The following RGPD2 variants were observed in gnomAD, a reference collection of about 807,000 sequenced individuals.
RGPD2 encodes RANBP2 like and GRIP domain containing 2.
Under a neutral mutation model 36.0 loss-of-function variants are expected in RGPD2, and 2 were observed. The observed-to-expected ratio is 0.06, with a 90% CI of 0.02 to 0.17. The LOEUF (loss-of-function observed/expected upper bound fraction) is 0.17. Ranked by LOEUF, RGPD2 falls within the 10% of genes least tolerant of loss-of-function variation. The pLI, the probability that RGPD2 is intolerant of heterozygous loss-of-function variation, is 1.00. For synonymous variants in RGPD2, 19 were observed against 163.8 expected (o/e 0.12, Z 6.75); for missense variants, 40 against 464.3 (o/e 0.09, Z 8.40).
At chr2:87,985,992 TA>T in the RGPD2 span, 1 of 1,048,616 alleles carries the variant, frequency 9.5e-7, no homozygotes, top group African/African-American at 1.6e-5. Context: ...CAAGTTTTTT[TA>T]ACTTCTACTA....
chr2:87,915,352 A>G, the RGPD2 span, among the ~76,000 whole-genome samples: 2 of 134,986 alleles, frequency 1.5e-5, no homozygotes, highest in African/African-American at 2.8e-5. Flanking sequence ...TGTATATTAT[A>G]TATATTATAT....
At chr2:87,975,751 G>C in the RGPD2 span, among the ~76,000 whole-genome samples, 2 of 151,792 alleles carry the variant, frequency 1.3e-5, no homozygotes, top group African/African-American at 4.8e-5. Flanking sequence ...GTTATGCCAT[G>C]ATGTCTCCCA....
At chr2:87,988,541 A>ATATATATATATATATATATATTT in the RGPD2 span, among the ~76,000 whole-genome samples, 4 of 54,144 alleles carry the variant, frequency 7.4e-5, no homozygotes, top group South Asian at 1.1e-3. Flanking sequence ...ATATATATAT[A>ATATATATATATATATATATATTT]TTTTTTTTTT....
the RGPD2 span, among the ~76,000 whole-genome samples, chr2:87,840,080 G>T: frequency 7.1e-6 from 1 of 140,392 alleles, no homozygotes; most frequent in African/African-American, 2.7e-5. Flanking sequence ...GTGTGAATAG[G>T]ATCTTATTTG....
the RGPD2 span, among the ~76,000 whole-genome samples, chr2:87,884,088 A>G: frequency 1.3e-5 from 2 of 152,170 alleles, no homozygotes; most frequent in African/African-American, 2.4e-5. Context: ...AAGAAATCAT[A>G]TCAAGTATCA....
the RGPD2 span, among the ~76,000 whole-genome samples, chr2:87,930,811 G>C: frequency 7.0e-6 from 1 of 141,924 alleles, no homozygotes; most frequent in Non-Finnish European, 1.5e-5. Flanking sequence ...TATTTGTCCA[G>C]GAATTTATCC....
chr2:87,880,032 A>G, the RGPD2 span, among the ~76,000 whole-genome samples: 164 of 87,902 alleles, frequency 1.9e-3, 1 homozygote, highest in East Asian at 0.047. Context: ...AAAACTCATT[A>G]TGGTTGTAAT....
At chr2:87,861,303 T>A in the RGPD2 span, among the ~76,000 whole-genome samples, 1 of 152,050 alleles carries the variant, frequency 6.6e-6, no homozygotes, top group East Asian at 1.9e-4. Context: ...ATGTATTGAA[T>A]TTTCTAATTT....
chr2:87,915,690 A>G, the RGPD2 span, among the ~76,000 whole-genome samples: 2 of 147,750 alleles, frequency 1.4e-5, no homozygotes, highest in African/African-American at 5.0e-5. Context: ...TTTCAACCAT[A>G]TTCCACTATC....
At chr2:87,988,810 G>A in the RGPD2 span, among the ~76,000 whole-genome samples, 1 of 151,724 alleles carries the variant, frequency 6.6e-6, no homozygotes, top group African/African-American at 2.4e-5. Context: ...CAAAATGTTG[G>A]GATTACAGGT....
the RGPD2 span, among the ~76,000 whole-genome samples, chr2:87,976,024 GA>G: frequency 3.3e-5 from 5 of 150,188 alleles, no homozygotes; most frequent in Middle Eastern, 3.4e-3. Flanking sequence ...GAGGTTGGGG[GA>G]AAAAAAGAGT....
chr2:87,886,494 T>G, the RGPD2 span, among the ~76,000 whole-genome samples: 11 of 151,934 alleles, frequency 7.2e-5, no homozygotes, highest in Non-Finnish European at 4.4e-5. Flanking sequence ...TTAAATTTAG[T>G]AGACACTTAA....
At chr2:87,813,882 CAA>C (rs71271604) in intron 4 of RGPD2, among the ~76,000 whole-genome samples, 1 of 129,426 alleles carries the variant, frequency 7.7e-6, no homozygotes, top group Non-Finnish European at 1.7e-5. Context: ...ATTTCAATTC[CAA>C]AAAAAAAAAA....
intron 1 of RGPD2, among the ~76,000 whole-genome samples, chr2:87,823,973 A>G (rs1448871752): frequency 1.4e-5 from 2 of 140,168 alleles, no homozygotes; most frequent in Non-Finnish European, 3.1e-5. Context: ...GAAAAACTAA[A>G]CAGAAGCCAT....
the RGPD2 span, among the ~76,000 whole-genome samples, chr2:87,874,021 A>C: frequency 1.2e-4 from 18 of 151,376 alleles, no homozygotes; most frequent in Middle Eastern, 3.4e-3. Flanking sequence ...GGCCATATGA[A>C]TGTCTTCTTT....
the RGPD2 span, among the ~76,000 whole-genome samples, chr2:87,988,839 C>A: frequency 6.6e-6 from 1 of 151,900 alleles, no homozygotes; most frequent in Non-Finnish European, 1.5e-5. Context: ...CCATGCCCAG[C>A]AGGCATGTCC....
the RGPD2 span, among the ~76,000 whole-genome samples, chr2:87,935,269 A>G: frequency 6.7e-6 from 1 of 150,014 alleles, no homozygotes; most frequent in Non-Finnish European, 1.5e-5. Context: ...ATCTGCCTCT[A>G]TCTTTCCGGT....
At chr2:87,825,860 A>T (rs1686790345), upstream of RGPD2, 3 of 1,187,366 alleles carry the variant, frequency 2.5e-6, no homozygotes, top group East Asian at 9.3e-5. Flanking sequence ...GCACTTGTGT[A>T]CTGCGTCAGC....
chr2:87,891,562 GA>G, the RGPD2 span, among the ~76,000 whole-genome samples: 2 of 72,546 alleles, frequency 2.8e-5, no homozygotes, highest in African/African-American at 1.1e-4. Flanking sequence ...CTAAGCTAAA[GA>G]AAAAAATAAA....
Sources: allele counts gnomAD v4.1 joint callset (sites outside exome capture counted in the v4.1 genomes callset), GRCh38; gene constraint gnomAD v4.1.1; transcripts MANE v1.5; gene names NCBI Gene and HGNC (gene_info 2026-07-23, HGNC 2026-07-21).